The following FGF14 variants were observed in gnomAD, a reference collection of about 807,000 sequenced individuals.
FGF14 encodes fibroblast growth factor homologous factor 4.
A neutral mutation model predicts 25.5 loss-of-function variants in FGF14; 5 were observed. That is an observed-to-expected ratio of 0.20 (90% CI 0.10 to 0.41). FGF14 has a LOEUF of 0.41. FGF14 is among the 10% of genes least tolerant of loss of function. The pLI, the probability that FGF14 is intolerant of heterozygous loss-of-function variation, is 1.00. For synonymous variants in FGF14, 138 were observed against 118.3 expected (o/e 1.17, Z -1.08); for missense variants, 222 against 320.1 (o/e 0.69, Z 2.34).
At chr13:102,115,051 A>G (rs2045404327) in intron 1 of FGF14, among the ~76,000 whole-genome samples, 1 of 152,208 alleles carries the variant, frequency 6.6e-6, no homozygotes, top group Non-Finnish European at 1.5e-5. Context: ...CCAATGGTAA[A>G]GGATAATATT....
chr13:101,879,530 A>G (rs2045581500), intron 1 of FGF14, among the ~76,000 whole-genome samples: 1 of 152,182 alleles, frequency 6.6e-6, no homozygotes, highest in Admixed American at 6.5e-5. Context: ...GTTTTCATGC[A>G]ATGGGAAGAC....
intron 3 of FGF14, among the ~76,000 whole-genome samples, chr13:101,727,409 G>T (rs2035512896): frequency 6.6e-6 from 1 of 152,124 alleles, no homozygotes; most frequent in Non-Finnish European, 1.5e-5. Flanking sequence ...GACAGTAGCT[G>T]AAAATAATTC....
chr13:102,153,951 C>G (rs1259550552), intron 1 of FGF14, among the ~76,000 whole-genome samples: 1 of 152,146 alleles, frequency 6.6e-6, no homozygotes, highest in Non-Finnish European at 1.5e-5. Context: ...AGGCATTGTT[C>G]TTCTCTCTAT....
upstream of FGF14, chr13:102,401,826 G>A (rs1003935882): frequency 1.4e-6 from 1 of 727,198 alleles, no homozygotes; most frequent in African/African-American, 1.8e-5. Context: ...CCAAAGGGTT[G>A]GAGAAAAAAT....
At position 101,796,489 on chromosome 13, in the gene FGF14, C is replaced by T. The variant is rs1488230954; in HGVS notation, c.409-69679G>A. Among the ~76,000 whole-genome samples, 8 of 151,850 alleles carry T rather than the reference C, an allele frequency of 5.3e-5. No individual in the cohort carries two copies. The Admixed American group carries it at 5.3e-4, about 10-fold the overall frequency. ...ATCAGTTATGGGATAAATTATATTCCCCCCAAATTCATATATTGAAGTCCA... is the reference window on the plus strand; with the variant it reads ...ATCAGTTATGGGATAAATTATATTCTCCCCAAATTCATATATTGAAGTCCA... On this transcript the variant is annotated intron_variant, in intron 3 of 4. Coordinates refer to ENST00000376143, the MANE Select transcript of FGF14 (RefSeq NM_004115.4).
intron 1 of FGF14, among the ~76,000 whole-genome samples, chr13:102,073,442 T>C (rs2043231022): frequency 1.3e-5 from 2 of 152,152 alleles, no homozygotes; most frequent in South Asian, 4.1e-4. Context: ...TGGATTATAA[T>C]AATCACAAGA....
chr13:101,989,756 T>C lies in FGF14; in HGVS notation c.209-114460A>G, dbSNP rs561727696. 1.3e-4 allele frequency among the ~76,000 whole-genome samples: 20 copies of C among 152,282 alleles called. No individual in the cohort carries two copies. In the South Asian group the frequency reaches 4.1e-3, roughly 32 times the overall value. ...AAGAGGTAAGCAAGCCTTCTGATTT[T>C]CTCCACAATAACATTTATGGGGCTT... is the stretch of plus-strand genomic sequence containing the variant. On this transcript the variant is annotated intron_variant, in intron 1 of 4. Coordinates refer to the FGF14 transcript ENST00000376131.
chr13:102,145,729 T>C (rs2046827664), intron 1 of FGF14, among the ~76,000 whole-genome samples: 1 of 152,130 alleles, frequency 6.6e-6, no homozygotes, highest in Non-Finnish European at 1.5e-5. Context: ...CAAACCACCT[T>C]AGGAAATATC....
chr13:101,748,147 TA>T (rs1004444158), intron 3 of FGF14, among the ~76,000 whole-genome samples: 11 of 151,428 alleles, frequency 7.3e-5, no homozygotes, highest in African/African-American at 1.5e-4. Flanking sequence ...AATTATTCTA[TA>T]AAAAAAAGAC....
Position 101,997,498 on chromosome 13 carries a change from T to TA in FGF14, c.209-122203dup, listed in dbSNP as rs1340610584. On this transcript the variant is annotated intron_variant, in intron 1 of 4. Coordinates refer to the FGF14 transcript ENST00000376131. Reference sequence around the variant, plus strand: ...ATTTTAGGCATTATAACAGTGGTTTTAAAATTTAAGCAAAGATCAGAATCA... The same window carrying TA: ...ATTTTAGGCATTATAACAGTGGTTTTAAAAATTTAAGCAAAGATCAGAATCA... Among the ~76,000 whole-genome samples the TA allele has an allele frequency of 3.3e-5, 5 of 152,354 alleles. No homozygotes were observed. In the East Asian group the frequency reaches 9.6e-4, roughly 29 times the overall value.
intron 1 of FGF14, among the ~76,000 whole-genome samples, chr13:101,876,369 C>T (rs949201412): frequency 1.3e-5 from 2 of 152,160 alleles, no homozygotes; most frequent in African/African-American, 2.4e-5. Flanking sequence ...AACAGTCGGA[C>T]GTTACTGAGT....
intron 1 of FGF14, among the ~76,000 whole-genome samples, chr13:102,309,940 T>C (rs911728836): frequency 6.6e-5 from 10 of 152,142 alleles, no homozygotes; most frequent in Non-Finnish European, 2.9e-5. Context: ...TCTGATAAGG[T>C]CTCCATGACC....
At chr13:101,849,686 T>C (rs561402006) in intron 3 of FGF14, among the ~76,000 whole-genome samples, 2 of 152,234 alleles carry the variant, frequency 1.3e-5, no homozygotes, top group African/African-American at 4.8e-5. Flanking sequence ...GAGAGATACA[T>C]GGCTGAGCAT....
At position 101,712,992 on chromosome 13, in the gene FGF14, A is replaced by G. The variant is rs1048114459; in HGVS notation, c.*9839T>C. ...TATTTCCTCAAGAGCATGCAAATCA[A>G]CCTGGACCCTCAGGAAAACAAGTCA... On this transcript the variant is annotated 3_prime_UTR_variant, in exon 5 of 5. Coordinates refer to ENST00000376143, the MANE Select transcript of FGF14 (RefSeq NM_004115.4). 4 of 152,180 alleles carry G rather than the reference A, an allele frequency of 2.6e-5. No homozygotes were observed. Among genetic ancestry groups the G allele is most frequent in the African/African-American group, 7.2e-5 (3 of 41,452 alleles). 9.4% of individuals were successfully genotyped at this position (152,180 alleles called of 1,614,324 possible).
chr13:102,127,611 A>T (rs980561962), intron 1 of FGF14, among the ~76,000 whole-genome samples: 1 of 152,334 alleles, frequency 6.6e-6, no homozygotes, highest in African/African-American at 2.4e-5. Flanking sequence ...ATGAATGCTT[A>T]TGATTTTATT....
intron 1 of FGF14, among the ~76,000 whole-genome samples, chr13:102,234,764 C>CG (rs2051253829): frequency 6.6e-6 from 1 of 152,108 alleles, no homozygotes; most frequent in Non-Finnish European, 1.5e-5. Flanking sequence ...TAAATTACAT[C>CG]TGAGCTTATG....
At chr13:102,161,570 A>AAGAAGAAAAGAAGAAGAAAGAAGAAG in intron 1 of FGF14, among the ~76,000 whole-genome samples, 12 of 5,652 alleles carry the variant, frequency 2.1e-3, no homozygotes, top group Admixed American at 3.9e-3. Flanking sequence ...TTCTGTGAAG[A>AAGAAGAAAAGAAGAAGAAAGAAGAAG]AAGAAAGAAG....
At chr13:101,987,862 G>A (rs1869117181) in intron 1 of FGF14, among the ~76,000 whole-genome samples, 1 of 152,068 alleles carries the variant, frequency 6.6e-6, no homozygotes, top group Admixed American at 6.6e-5. Flanking sequence ...ACCACAGCAT[G>A]AGATCCTAAG....
intron 1 of FGF14, among the ~76,000 whole-genome samples, chr13:102,132,177 T>C (rs898450375): frequency 6.6e-6 from 1 of 152,096 alleles, no homozygotes; most frequent in Non-Finnish European, 1.5e-5. Context: ...CCAGGGTCCA[T>C]CAGGGGAGAG....
Sources: allele counts gnomAD v4.1 joint callset (sites outside exome capture counted in the v4.1 genomes callset), GRCh38; gene constraint gnomAD v4.1.1; transcripts MANE v1.5; gene names NCBI Gene and HGNC (gene_info 2026-07-23, HGNC 2026-07-21).